FRAS1: variants seen among roughly 807,000 people sequenced by gnomAD.
FRAS1 encodes the protein Fraser extracellular matrix complex subunit 1.
FRAS1 carries 290 observed loss-of-function variants against 435.2 expected under a neutral mutation model. The ratio of observed to expected loss-of-function variants is 0.67; its 90% CI spans 0.61 to 0.73. The LOEUF (loss-of-function observed/expected upper bound fraction) is 0.73, where lower values mean the gene tolerates loss of function less well. Ranked by LOEUF, FRAS1 falls within the 30% of genes least tolerant of loss-of-function variation. The pLI is 0.00. For synonymous variants in FRAS1, 1,800 were observed against 1,851.0 expected, an observed-to-expected ratio of 0.97 and a Z score of 0.71; for missense variants, 4,860 against 5,001.5, an observed-to-expected ratio of 0.97 and a Z score of 0.85.
intron 2 of FRAS1, among the ~76,000 whole-genome samples, chr4:78,079,669 C>T (rs547287718): frequency 6.6e-6 from 1 of 152,194 alleles, no homozygotes; most frequent in Admixed American, 6.5e-5. Flanking sequence ...GTGATGGCAG[C>T]ATTGATTTAT....
intron 18 of FRAS1, among the ~76,000 whole-genome samples, chr4:78,328,358 A>C (rs67050216): frequency 0.55 from 83,350 of 152,002 alleles, 25,673 homozygotes; most frequent in Non-Finnish European, 0.7. Flanking sequence ...GGATTTTAGC[A>C]ATCTTGTAAA....
At chr4:78,138,922 T>G (rs535605344) in intron 2 of FRAS1, among the ~76,000 whole-genome samples, 8 of 152,326 alleles carry the variant, frequency 5.3e-5, no homozygotes, top group Admixed American at 3.3e-4. Context: ...AAGATCTCTC[T>G]AAGTTCTGGC....
intron 18 of FRAS1, among the ~76,000 whole-genome samples, chr4:78,322,988 T>A (rs2110243564): frequency 6.6e-6 from 1 of 152,354 alleles, no homozygotes; most frequent in East Asian, 1.9e-4. Context: ...GATGCTGGTC[T>A]GTGCCCAGAA....
chr4:78,413,027 T>C lies in FRAS1; in HGVS notation c.4367T>C (p.Ile1456Thr), dbSNP rs560902495. The change falls in exon 32 of 74, where the codon ATC becomes ACC. Residue 1456 changes from isoleucine (I) to threonine (T), a missense_variant. Physicochemically the swap from Ile to Thr is moderately conservative, Grantham distance 89 (BLOSUM62 -1). Transcript: ENST00000512123. Reference sequence around the variant, plus strand: ...GAGAGCCACATGTTCAACATCGCGATCTTACCACAGACACCTGAAGCACCT... The same window carrying C: ...GAGAGCCACATGTTCAACATCGCGACCTTACCACAGACACCTGAAGCACCT... ...RLESHMFNIA[I>T]LPQTPEAPKV... 2.3e-5 allele frequency: 37 copies of C among 1,611,188 alleles called. No individual in the cohort carries two copies. The highest frequency in any genetic ancestry group is 3.3e-4 in the Middle Eastern group (2 of 6,054).
At chr4:78,329,000 A>T (rs139682687) in intron 18 of FRAS1, among the ~76,000 whole-genome samples, 1 of 152,118 alleles carries the variant, frequency 6.6e-6, no homozygotes, top group African/African-American at 2.4e-5. Context: ...AACTTTGGAA[A>T]TTGGCTATTG....
intron 3 of FRAS1, among the ~76,000 whole-genome samples, chr4:78,244,685 C>G (rs1291058852): frequency 6.6e-6 from 1 of 152,068 alleles, no homozygotes; most frequent in African/African-American, 2.4e-5. Context: ...TAGATCTTTA[C>G]TAGAGCTTAG....
rs766607034 is a variant in FRAS1, at chr4:78,481,964, G to T, written c.8604G>T (p.Gln2868His). 1 of 1,613,346 alleles carries T rather than the reference G, an allele frequency of 6.2e-7. No individual in the cohort carries two copies. The highest frequency in any genetic ancestry group is 8.5e-7 in the Non-Finnish European group (1 of 1,179,744). Residue 2868 changes from glutamine (Q) to histidine (H), a missense_variant and splice_region_variant, in exon 57 of 74, where the codon CAG (glutamine) becomes CAT (histidine). Gln to His is a conservative substitution (Grantham distance 24, BLOSUM62 0). Coordinates refer to ENST00000512123, the MANE Select transcript of FRAS1 (RefSeq NM_025074.7). ...KVEFGPGVIE[Q>H]YCTLTILDDT... ...AATTTGGGCCTGGTGTCATTGAACAGGTGCGTTTACAGCAGTCGAGACTCC... is the reference window on the plus strand; with the variant it reads ...AATTTGGGCCTGGTGTCATTGAACATGTGCGTTTACAGCAGTCGAGACTCC...
chr4:78,439,483 A>G (rs1160020313), intron 40 of FRAS1, among the ~76,000 whole-genome samples: 1 of 152,246 alleles, frequency 6.6e-6, no homozygotes, highest in East Asian at 1.9e-4. Context: ...TGGGCAGAGC[A>G]ATACAATGCA....
At chr4:78,295,443 T>G (rs1010559205) in intron 14 of FRAS1, among the ~76,000 whole-genome samples, 14 of 152,258 alleles carry the variant, frequency 9.2e-5, no homozygotes, top group African/African-American at 3.4e-4. Flanking sequence ...TCAATTTGAT[T>G]GATGTAAAAT....
At chr4:78,256,952 A>T (rs1175739881) in intron 6 of FRAS1, among the ~76,000 whole-genome samples, 1 of 152,142 alleles carries the variant, frequency 6.6e-6, no homozygotes, top group African/African-American at 2.4e-5. Context: ...TGTTCTGATG[A>T]TCCAAAGGGG....
chr4:78,328,870 A>G (rs1181448027), intron 18 of FRAS1, among the ~76,000 whole-genome samples: 1 of 152,212 alleles, frequency 6.6e-6, no homozygotes, highest in African/African-American at 2.4e-5. Flanking sequence ...GAGAATGAGA[A>G]TCATCATTCT....
chr4:78,391,598 T>C (rs942005116), intron 29 of FRAS1, among the ~76,000 whole-genome samples: 2 of 152,040 alleles, frequency 1.3e-5, no homozygotes, highest in African/African-American at 4.8e-5. Context: ...AAATCATGCC[T>C]TTTTTTTCCA....
chr4:78,329,357 A>C (rs1729846399), intron 18 of FRAS1, among the ~76,000 whole-genome samples: 1 of 152,210 alleles, frequency 6.6e-6, no homozygotes. Context: ...CAATGCATTT[A>C]ATTAATGAAG....
intron 1 of FRAS1, among the ~76,000 whole-genome samples, chr4:78,063,481 A>T (rs1279917535): frequency 1.3e-5 from 2 of 152,152 alleles, no homozygotes; most frequent in Admixed American, 1.3e-4. Flanking sequence ...GGCAAAGCTT[A>T]TTTCTTTTGG....
chr4:78,233,721 A>T (rs1724609440), intron 2 of FRAS1, among the ~76,000 whole-genome samples: 1 of 152,256 alleles, frequency 6.6e-6, no homozygotes, highest in South Asian at 2.1e-4. Context: ...GGGCATAGAC[A>T]TGTTAACTCA....
chr4:78,429,286 T>C, intron 36 of FRAS1, 60 bp downstream of exon 36: 2 of 1,529,490 alleles, frequency 1.3e-6, no homozygotes, highest in Non-Finnish European at 1.8e-6. Flanking sequence ...TTGCTGCCCC[T>C]CTTCAAACCT....
intron 70 of FRAS1, among the ~76,000 whole-genome samples, chr4:78,531,318 G>C (rs1721706172): frequency 6.6e-6 from 1 of 152,106 alleles, no homozygotes. Context: ...CTTCCTATTT[G>C]AGTACCCTTT....
intron 61 of FRAS1, among the ~76,000 whole-genome samples, chr4:78,500,734 G>GCTT (rs1720650600): frequency 6.6e-6 from 1 of 152,128 alleles, no homozygotes; most frequent in African/African-American, 2.4e-5. Context: ...GCTTTAAAGG[G>GCTT]CTTCTGGCTC....
intron 32 of FRAS1, among the ~76,000 whole-genome samples, chr4:78,415,728 T>C (rs934501194): frequency 1.3e-5 from 2 of 152,208 alleles, no homozygotes; most frequent in African/African-American, 4.8e-5. Flanking sequence ...AAGTATAAGA[T>C]AAGAATTTCC....
Sources: gnomAD v4.1 joint callset for allele counts (sites outside exome capture counted in the v4.1 genomes callset) on GRCh38, gnomAD v4.1.1 for gene constraint, MANE v1.5 for transcripts, NCBI Gene and HGNC (gene_info 2026-07-23, HGNC 2026-07-21) for gene names.